Variants in AGBL4 observed in about 807,000 individuals in gnomAD.
The protein encoded by AGBL4 is cytosolic carboxypeptidase 6.
AGBL4 carries 58 observed loss-of-function variants against 66.4 expected under a neutral mutation model. That is an observed-to-expected ratio of 0.87 (90% confidence interval 0.71 to 1.09). The LOEUF (loss-of-function observed/expected upper bound fraction) is 1.09. Ranked by LOEUF, AGBL4 falls within the 50% of genes least tolerant of loss-of-function variation. The probability of loss-of-function intolerance (pLI) is 0.00; values close to 1 mark genes in which losing one functional copy is unlikely to be tolerated. For synonymous variants in AGBL4, 234 were observed against 222.9 expected (o/e 1.05, Z -0.44); for missense variants, 579 against 631.0 (o/e 0.92, Z 0.88).
chr1:48,772,372 C>G (rs1237364906), intron 6 of AGBL4, among the ~76,000 whole-genome samples: 1 of 152,132 alleles, frequency 6.6e-6, no homozygotes. Flanking sequence ...GGGGCTGGAC[C>G]ACAAACTTCT....
chr1:48,717,723 T>G (rs1647076294), intron 6 of AGBL4, among the ~76,000 whole-genome samples: 1 of 152,198 alleles, frequency 6.6e-6, no homozygotes, highest in Non-Finnish European at 1.5e-5. Flanking sequence ...CCTAGCTGGC[T>G]CTCAGTCATT....
intron 5 of AGBL4, among the ~76,000 whole-genome samples, chr1:49,009,954 T>A (rs1662250716): frequency 6.6e-6 from 1 of 151,888 alleles, no homozygotes; most frequent in African/African-American, 2.4e-5. Context: ...AAGCATTCCC[T>A]TTGAAAACTG....
At chr1:49,841,850 G>T in intron 2 of AGBL4, 1 of 500,324 alleles carries the variant, frequency 2.0e-6, no homozygotes. Context: ...TCACAGTCAG[G>T]CGGAGCAGGG....
At chr1:48,858,742 G>A (rs1254990134) in intron 6 of AGBL4, among the ~76,000 whole-genome samples, 1 of 152,102 alleles carries the variant, frequency 6.6e-6, no homozygotes, top group African/African-American at 2.4e-5. Flanking sequence ...CAGTGTTCTG[G>A]AACTAGGTAG....
At chr1:48,530,204 G>A (rs1283372282), downstream of AGBL4, among the ~76,000 whole-genome samples, 1 of 152,140 alleles carries the variant, frequency 6.6e-6, no homozygotes, top group Non-Finnish European at 1.5e-5. Flanking sequence ...TAAAAAAAAG[G>A]TGTTTACCTT....
chr1:48,541,358 T>C (rs1020329697), intron 11 of AGBL4, among the ~76,000 whole-genome samples: 1 of 152,236 alleles, frequency 6.6e-6, no homozygotes, highest in African/African-American at 2.4e-5. Flanking sequence ...TCTCTTCTTT[T>C]CAGTAGCCCC....
At chr1:49,781,423 A>G (rs1644334902) in intron 2 of AGBL4, among the ~76,000 whole-genome samples, 1 of 152,158 alleles carries the variant, frequency 6.6e-6, no homozygotes. Flanking sequence ...TTAGAGATAA[A>G]GAGGGAAAAT....
intron 5 of AGBL4, among the ~76,000 whole-genome samples, chr1:48,911,209 AAAG>A (rs1490310354): frequency 2.0e-5 from 3 of 152,220 alleles, no homozygotes; most frequent in Non-Finnish European, 2.9e-5. Flanking sequence ...ACTGGGACTG[AAAG>A]AAGAATAGGA....
chr1:49,237,216 T>C (rs1162391800), intron 4 of AGBL4, among the ~76,000 whole-genome samples: 1 of 151,648 alleles, frequency 6.6e-6, no homozygotes, highest in Non-Finnish European at 1.5e-5. Flanking sequence ...TGAGCCAAGA[T>C]TGTGCCACTG....
In AGBL4 at chr1:49,851,493, G is replaced by T. The variant is rs747855306; in HGVS notation, c.60C>A (p.Ala20=). 63 of 1,549,062 alleles carry T rather than the reference G, an allele frequency of 4.1e-5. No individual in the cohort carries two copies. In the South Asian group the frequency reaches 7.3e-4, roughly 18 times the overall value. The change falls in exon 2 of 14, where the codon GCC becomes GCA. Residue 20 remains alanine, a synonymous_variant. Coordinates refer to ENST00000371839, the MANE Select transcript of AGBL4 (RefSeq NM_032785.4). ...TATATTTGCTCACATTCCCTCCAAT[G>T]GCATCATCATTTCCCATATCATTGC... The part of the protein sequence containing the change: ...EAGNDMGNDD[A]IGGNVSKYIV...
intron 3 of AGBL4, among the ~76,000 whole-genome samples, chr1:49,658,926 T>G (rs1646211688): frequency 6.6e-6 from 1 of 152,006 alleles, no homozygotes; most frequent in Non-Finnish European, 1.5e-5. Flanking sequence ...AGTTAATGGG[T>G]TCAGCACACC....
At chr1:48,996,753 A>G (rs1414205844) in intron 5 of AGBL4, among the ~76,000 whole-genome samples, 1 of 152,148 alleles carries the variant, frequency 6.6e-6, no homozygotes, top group East Asian at 1.9e-4. Context: ...AAATTTTGGT[A>G]TGAAGTAGAG....
chr1:49,617,596 C>T (rs892782243), intron 3 of AGBL4, among the ~76,000 whole-genome samples: 8 of 152,192 alleles, frequency 5.3e-5, no homozygotes, highest in African/African-American at 1.9e-4. Context: ...TCCATATCTA[C>T]ATGTATAACC....
intron 3 of AGBL4, among the ~76,000 whole-genome samples, chr1:49,446,049 G>A (rs988964798): frequency 6.6e-5 from 10 of 151,858 alleles, no homozygotes; most frequent in South Asian, 2.1e-4. Flanking sequence ...ACAGGGTTTC[G>A]TCTTGTTGGC....
At chr1:48,858,101 GA>G (rs1331628988) in intron 6 of AGBL4, among the ~76,000 whole-genome samples, 2 of 152,084 alleles carry the variant, frequency 1.3e-5, no homozygotes, top group African/African-American at 4.8e-5. Context: ...TTAGACATCA[GA>G]AAAAATGCAA....
chr1:48,755,529 C>G (rs1033104906), intron 6 of AGBL4, among the ~76,000 whole-genome samples: 1 of 152,196 alleles, frequency 6.6e-6, no homozygotes, highest in Non-Finnish European at 1.5e-5. Flanking sequence ...GGGCAGAGAA[C>G]GGCAAAGCCT....
At chr1:48,588,695 G>A (rs1309262578) in intron 10 of AGBL4, among the ~76,000 whole-genome samples, 1 of 145,668 alleles carries the variant, frequency 6.9e-6, no homozygotes, top group Admixed American at 6.8e-5. Context: ...CTATTTTAAG[G>A]TAAAGGAAAA....
rs976637557 is a variant in AGBL4, at chr1:49,399,076, T to G, written c.283-153212A>C. On this transcript the variant is annotated intron_variant, in intron 3 of 13. Transcript: ENST00000371839. ...GATTATTGTAATTTTTAGCTCCTAC[T>G]AATAAGTGAAAACATGTAAAGTTTG... Among the ~76,000 whole-genome samples, 10 of 152,172 alleles carry G rather than the reference T, an allele frequency of 6.6e-5. No homozygotes were observed. The East Asian group carries it at 1.9e-3, about 29-fold the overall frequency.
Position 49,032,721 on chromosome 1 carries a change from G to C in AGBL4, c.594+12863C>G, listed in dbSNP as rs1051131759. 1.3e-5 allele frequency among the ~76,000 whole-genome samples: 2 copies of C among 152,150 alleles called. 1 individual carries two copies. The highest frequency in any genetic ancestry group is 1.3e-4 in the Admixed American group (2 of 15,270). ...CTAAAGAAGCTGTTGTGATTTCCTGGGACATGCTGATAGTTTGAAGTATGG... is the reference window on the plus strand; with the variant it reads ...CTAAAGAAGCTGTTGTGATTTCCTGCGACATGCTGATAGTTTGAAGTATGG... On this transcript the variant is annotated intron_variant, in intron 5 of 13. Transcript: ENST00000371839.
Sources: gnomAD v4.1 joint callset for allele counts (sites outside exome capture counted in the v4.1 genomes callset) on GRCh38, gnomAD v4.1.1 for gene constraint, MANE v1.5 for transcripts, NCBI Gene and HGNC (gene_info 2026-07-23, HGNC 2026-07-21) for gene names.